SPTB: variants seen among roughly 807,000 people sequenced by gnomAD.
SPTB encodes spectrin beta chain, erythrocytic.
Under a neutral mutation model 256.2 loss-of-function variants are expected in SPTB, and 45 were observed. That is an observed-to-expected ratio of 0.18 (90% CI 0.14 to 0.23). The LOEUF is 0.23. Among genes scored for constraint, SPTB ranks in the 10% least tolerant of loss-of-function variants. SPTB has a pLI of 1.00. For synonymous variants in SPTB, 1,231 were observed against 1,243.1 expected, an observed-to-expected ratio of 0.99 and a Z score of 0.21; for missense variants, 2,715 against 3,040.4, an observed-to-expected ratio of 0.89 and a Z score of 2.52.
At chr14:64,818,444 T>A (rs2083230739) in intron 2 of SPTB, among the ~76,000 whole-genome samples, 1 of 152,088 alleles carries the variant, frequency 6.6e-6, no homozygotes, top group African/African-American at 2.4e-5. Flanking sequence ...GGAATGAGGC[T>A]CATGCACAGG....
chr14:64,850,941 G>A (rs1024677740), intron 1 of SPTB, among the ~76,000 whole-genome samples: 2 of 152,152 alleles, frequency 1.3e-5, no homozygotes, highest in Non-Finnish European at 2.9e-5. Flanking sequence ...GAAATAGAAG[G>A]ACTAAGCTGG....
In SPTB at chr14:64,772,454, GCTGT is replaced by G. The variant is rs2082291012; in HGVS notation, c.5553+122_5553+125del. ...CACTGCTCCCAGCCCTGAGCTCCTG[GCTGT>G]CTAAGGAGGCAAAACCTCCTGGCAC... On this transcript the variant is annotated intron_variant, in intron 26 of 35. Transcript: ENST00000644917. The surrounding 1 kb of genome is among the most constrained non-coding windows in gnomAD (Gnocchi z 5.4). The G allele has an allele frequency of 1.5e-6, 2 of 1,304,130 alleles. No individual in the cohort carries two copies. Among genetic ancestry groups the G allele is most frequent in the Admixed American group, 2.3e-5 (1 of 43,450 alleles). The allele number at this position is 1,304,130 out of a possible 1,614,324, so 80.8% of individuals were successfully genotyped here.
chr14:64,793,590 A>G lies in SPTB; in HGVS notation c.2073T>C (p.Ala691=), dbSNP rs774441844. Residue 691 remains alanine (A), a synonymous_variant, in exon 14 of 36, where the codon GCT becomes GCC. Transcript: ENST00000644917. The surrounding 1 kb of genome is among the most constrained non-coding windows in gnomAD (Gnocchi z 7.0). ...CCTCCTGGAAGATCTGCTCCAGGTG[A>G]GCATCCAGCCCACGGAGCTCATCCT... ...AFEDELRGLD[A]HLEQIFQEAH... The G allele has an allele frequency of 1.9e-6, 3 of 1,614,154 alleles. No homozygotes were observed. In the South Asian group the frequency reaches 3.3e-5, roughly 18 times the overall value.
intron 32 of SPTB, among the ~76,000 whole-genome samples, chr14:64,765,286 G>A (rs950296433): frequency 1.3e-5 from 2 of 152,114 alleles, no homozygotes; most frequent in Non-Finnish European, 2.9e-5. Context: ...GGCCCCCAGT[G>A]CAGCCTGCCA....
In SPTB at chr14:64,800,802, A is replaced by T; in HGVS notation, c.830T>A (p.Phe277Tyr). ...ITYVVAFYHY[F>Y]SKMKVLAVEG... ...CACTGCCAGCACCTTCATCTTGGAG[A>T]AGTAGTGGTAAAAGGCCACCACATA... Residue 277 changes from phenylalanine to tyrosine, a missense_variant, in exon 8 of 36, where the codon TTC (phenylalanine) becomes TAC (tyrosine). Physicochemically the swap from Phe to Tyr is conservative, Grantham distance 22 (BLOSUM62 3). Coordinates refer to ENST00000644917, the MANE Select transcript of SPTB (RefSeq NM_001355436.2). 6.2e-7 allele frequency: 1 copy of T among 1,614,228 alleles called. No individual in the cohort carries two copies. Among genetic ancestry groups the T allele is most frequent in the Non-Finnish European group, 8.5e-7 (1 of 1,180,048 alleles).
In SPTB at chr14:64,796,759, T is replaced by C; in HGVS notation, c.1183-44A>G. ...GAGAATTCTTGGGGCACAGGAGAAA[T>C]GCCTCACTTTGGGGGCTCCACCCCT... On this transcript the variant is annotated intron_variant, in intron 10 of 35. Coordinates refer to ENST00000644917, the MANE Select transcript of SPTB (RefSeq NM_001355436.2). This position sits in a 1 kb window ranked among gnomAD's most constrained non-coding sequence, Gnocchi z 4.1. 1 of 1,612,942 alleles carries C rather than the reference T, an allele frequency of 6.2e-7. No homozygotes were observed. The highest frequency in any genetic ancestry group is 2.2e-5 in the East Asian group (1 of 44,876).
intron 33 of SPTB, among the ~76,000 whole-genome samples, chr14:64,750,980 T>C (rs1256001033): frequency 6.9e-6 from 1 of 145,576 alleles, no homozygotes; most frequent in Non-Finnish European, 1.5e-5. Flanking sequence ...TAATGTATAT[T>C]TTATACATTA....
Position 64,857,475 on chromosome 14 carries a change from G to C in SPTB, c.-52+22317C>G, listed in dbSNP as rs117481110. Among the ~76,000 whole-genome samples the C allele has an allele frequency of 1.1e-3, 158 of 149,686 alleles. 3 individuals carry two copies. In the East Asian group the frequency reaches 0.029, roughly 28 times the overall value. ...TATGCATGTATAGTCCCAGCTACTT[G>C]GCTGAAGTGGGAGGATCACTTGAGC... On this transcript the variant is annotated intron_variant, in intron 1 of 35. Coordinates refer to ENST00000644917, the MANE Select transcript of SPTB (RefSeq NM_001355436.2).
chr14:64,753,988 G>T (rs780365291), intron 32 of SPTB, 195 bp from the exon 33 acceptor site: 12 of 711,022 alleles, frequency 1.7e-5, no homozygotes, highest in Non-Finnish European at 2.9e-5. Flanking sequence ...TACTCTGCCT[G>T]TGCTTCTGGC....
chr14:64,853,513 C>G lies in SPTB; in HGVS notation c.-52+26279G>C, dbSNP rs1416754353. On this transcript the variant is annotated intron_variant, in intron 1 of 35. Coordinates refer to ENST00000644917, the MANE Select transcript of SPTB (RefSeq NM_001355436.2). The surrounding 1 kb of genome is among the most constrained non-coding windows in gnomAD (Gnocchi z 4.3). ...CTTAGTGATTCACAGCTGGTGACCA[C>G]AGGGAGAACAGTTTCAGTAGGGCAC... Among the ~76,000 whole-genome samples, 1 of 152,182 alleles carries G rather than the reference C, an allele frequency of 6.6e-6. No homozygotes were observed. The highest frequency in any genetic ancestry group is 2.4e-5 in the African/African-American group (1 of 41,434).
intron 33 of SPTB, 41 bp from the exon 34 acceptor site, chr14:64,750,195 T>C (rs566655274): frequency 1.1e-5 from 18 of 1,601,204 alleles, no homozygotes; most frequent in South Asian, 5.5e-5. Context: ...CATCCTGATA[T>C]GGTATCTCTA....
intron 1 of SPTB, among the ~76,000 whole-genome samples, chr14:64,877,172 T>C (rs1882865362): frequency 6.6e-6 from 1 of 151,530 alleles, no homozygotes; most frequent in Non-Finnish European, 1.5e-5. Context: ...AAAAAATCCA[T>C]GCTTTGACTC....
intron 1 of SPTB, among the ~76,000 whole-genome samples, chr14:64,867,183 G>A (rs1204256324): frequency 2.0e-5 from 3 of 152,130 alleles, no homozygotes; most frequent in South Asian, 4.1e-4. Flanking sequence ...CCTCACCTCC[G>A]TCCCATCCAT....
At chr14:64,871,794 A>G (rs962572677) in intron 1 of SPTB, among the ~76,000 whole-genome samples, 3 of 152,236 alleles carry the variant, frequency 2.0e-5, no homozygotes, top group African/African-American at 7.2e-5. Flanking sequence ...TAATATGGAT[A>G]TATGTTTTAA....
Position 64,792,785 on chromosome 14 carries a change from T to C in SPTB, c.2666+212A>G, listed in dbSNP as rs1021036716. On this transcript the variant is annotated intron_variant, in intron 14 of 35. Coordinates refer to ENST00000644917, the MANE Select transcript of SPTB (RefSeq NM_001355436.2). This position sits in a 1 kb window ranked among gnomAD's most constrained non-coding sequence, Gnocchi z 4.2. ...ACTGGACTAGATAAATTCCCTTTGTTTGAGGAACACAAGGCCCCAAAGGGT... is the reference window on the plus strand; with the variant it reads ...ACTGGACTAGATAAATTCCCTTTGTCTGAGGAACACAAGGCCCCAAAGGGT... 1.3e-5 allele frequency among the ~76,000 whole-genome samples: 2 copies of C among 152,170 alleles called. No individual in the cohort carries two copies. Among genetic ancestry groups the C allele is most frequent in the African/African-American group, 2.4e-5 (1 of 41,432 alleles).
intron 4 of SPTB, 28 bp downstream of exon 4, chr14:64,803,579 C>G (rs183198217): frequency 6.2e-7 from 1 of 1,613,636 alleles, no homozygotes; most frequent in East Asian, 2.2e-5. Flanking sequence ...AGGGCTCCCT[C>G]GACTTCCTCT....
At chr14:64,799,055 G>A (rs942119447) in intron 9 of SPTB, among the ~76,000 whole-genome samples, 1 of 152,228 alleles carries the variant, frequency 6.6e-6, no homozygotes, top group African/African-American at 2.4e-5. Flanking sequence ...ATAGTTATGT[G>A]TGCACACATA....
intron 1 of SPTB, among the ~76,000 whole-genome samples, chr14:64,859,806 G>A (rs4902323): frequency 0.94 from 142,671 of 152,080 alleles, 67,519 homozygotes; most frequent in Non-Finnish European, 0.98. Flanking sequence ...ATGATTATCT[G>A]AGGGCTAAGA....
At chr14:64,868,892 A>G (rs1882352820) in intron 1 of SPTB, among the ~76,000 whole-genome samples, 1 of 152,230 alleles carries the variant, frequency 6.6e-6, no homozygotes. Context: ...TAGGATTCAG[A>G]ACATTAATTA....
Sources: gnomAD v4.1 joint callset for allele counts (sites outside exome capture counted in the v4.1 genomes callset) on GRCh38, gnomAD v4.1.1 for gene constraint, Gnocchi (gnomAD v3.1) non-coding constraint, MANE v1.5 for transcripts, NCBI Gene and HGNC (gene_info 2026-07-23, HGNC 2026-07-21) for gene names.